The following SNTG1 variants were observed in gnomAD, a reference collection of about 807,000 sequenced individuals.
The protein encoded by SNTG1 is syntrophin gamma 1.
SNTG1 carries 39 observed loss-of-function variants against 74.7 expected under a neutral mutation model. The observed-to-expected ratio is 0.52, with a 90% CI of 0.40 to 0.68. The LOEUF (loss-of-function observed/expected upper bound fraction) is 0.68. Among genes scored for constraint, SNTG1 ranks in the 30% least tolerant of loss-of-function variants. The pLI is 0.00. For missense variants in SNTG1, 685 were observed against 609.5 expected (o/e 1.12, Z -1.30); for synonymous variants, 254 against 217.1 (o/e 1.17, Z -1.49).
intron 15 of SNTG1, among the ~76,000 whole-genome samples, chr8:50,691,061 G>A (rs1393822082): frequency 1.3e-5 from 2 of 152,134 alleles, no homozygotes; most frequent in Admixed American, 6.5e-5. Context: ...TCAGAGACTA[G>A]GATTGCAACC....
chr8:50,742,640 C>T lies in SNTG1; in HGVS notation c.1285-9361C>T, dbSNP rs546238499. 9.9e-5 allele frequency among the ~76,000 whole-genome samples: 15 copies of T among 150,776 alleles called. No individual in the cohort carries two copies. In the South Asian group the frequency reaches 1.0e-3, roughly 10 times the overall value. The stretch of plus-strand genomic sequence containing the variant: ...TACATCTTAAAGAAGTAGAAAAAGA[C>T]GAGTAGACTGAAAGCTAGCTAGAAA... On this transcript the variant is annotated intron_variant, in intron 17 of 18. Transcript: ENST00000642720.
intron 13 of SNTG1, among the ~76,000 whole-genome samples, chr8:50,642,168 A>G (rs1391984060): frequency 6.6e-6 from 1 of 151,982 alleles, no homozygotes; most frequent in African/African-American, 2.4e-5. Flanking sequence ...TATCACTCTT[A>G]ACTTCCATTT....
intron 1 of SNTG1, among the ~76,000 whole-genome samples, chr8:49,994,420 TA>T (rs1306540266): frequency 2.2e-5 from 2 of 90,778 alleles, no homozygotes; most frequent in African/African-American, 5.7e-5. Flanking sequence ...CATGCCCGGC[TA>T]TTTTTTTTTT....
intron 2 of SNTG1, among the ~76,000 whole-genome samples, chr8:50,263,293 G>C (rs1281181435): frequency 6.6e-6 from 1 of 151,970 alleles, no homozygotes; most frequent in Non-Finnish European, 1.5e-5. Flanking sequence ...ATATATTTGA[G>C]GTAAAGACAT....
At chr8:50,751,949 G>A (rs1338544965) in intron 17 of SNTG1, 52 bp from the exon 18 acceptor site, 4 of 1,089,234 alleles carry the variant, frequency 3.7e-6, no homozygotes, top group East Asian at 2.8e-5. Flanking sequence ...TTCTTGATTT[G>A]AAAGCAGATA....
chr8:50,112,469 GGT>G (rs1261046036), intron 1 of SNTG1, among the ~76,000 whole-genome samples: 3 of 150,030 alleles, frequency 2.0e-5, no homozygotes, highest in Admixed American at 6.7e-5. Flanking sequence ...AAAATCAAGA[GGT>G]ATATCAAAAC....
At chr8:50,351,070 A>G (rs2091645185) in intron 2 of SNTG1, among the ~76,000 whole-genome samples, 2 of 152,240 alleles carry the variant, frequency 1.3e-5, no homozygotes, top group Admixed American at 6.5e-5. Flanking sequence ...TCTTGAAGTC[A>G]GTGAGACCAA....
chr8:50,523,951 G>T (rs2094200175), intron 9 of SNTG1, among the ~76,000 whole-genome samples: 1 of 152,120 alleles, frequency 6.6e-6, no homozygotes, highest in East Asian at 1.9e-4. Flanking sequence ...GGTTTTGGAA[G>T]TTTATTCCAC....
chr8:50,312,002 A>G (rs1316834828), intron 2 of SNTG1, among the ~76,000 whole-genome samples: 3 of 152,164 alleles, frequency 2.0e-5, no homozygotes, highest in Non-Finnish European at 4.4e-5. Flanking sequence ...CTCCTTAATA[A>G]CAGTAAAGAA....
intron 4 of SNTG1, among the ~76,000 whole-genome samples, chr8:50,413,366 A>G (rs1292917037): frequency 6.6e-6 from 1 of 152,164 alleles, no homozygotes; most frequent in East Asian, 1.9e-4. Flanking sequence ...AAAATGGTTG[A>G]CAGTTTGATG....
At chr8:50,420,011 A>T (rs1459243816) in intron 4 of SNTG1, among the ~76,000 whole-genome samples, 1 of 152,148 alleles carries the variant, frequency 6.6e-6, no homozygotes, top group Non-Finnish European at 1.5e-5. Flanking sequence ...GACTGAAAAA[A>T]ATAAGAAGTG....
intron 2 of SNTG1, among the ~76,000 whole-genome samples, chr8:50,287,341 T>C (rs1170529304): frequency 6.6e-6 from 1 of 152,206 alleles, no homozygotes; most frequent in Non-Finnish European, 1.5e-5. Context: ...CCTAGTTCCC[T>C]TGTCTTTATG....
Position 50,539,034 on chromosome 8 carries a change from C to A in SNTG1, c.680+2226C>A, listed in dbSNP as rs575860733. 1.2e-4 allele frequency among the ~76,000 whole-genome samples: 18 copies of A among 151,824 alleles called. No individual in the cohort carries two copies. In the South Asian group the frequency reaches 1.2e-3, roughly 11 times the overall value. On this transcript the variant is annotated intron_variant, in intron 11 of 18. Coordinates refer to ENST00000642720, the MANE Select transcript of SNTG1 (RefSeq NM_018967.5). ...TAGTTTATCCTTTTAAAAATAACTT[C>A]TTTTTTGAAGTTTTTAAAAATATTT...
chr8:50,177,118 GC>G (rs1489524199), intron 2 of SNTG1, among the ~76,000 whole-genome samples: 2 of 152,090 alleles, frequency 1.3e-5, no homozygotes, highest in African/African-American at 4.8e-5. Context: ...ACAGGGAAAA[GC>G]AAAAAAGTCT....
At chr8:50,527,834 TTTC>T (rs143788659) in intron 9 of SNTG1, among the ~76,000 whole-genome samples, 21,228 of 151,878 alleles carry the variant, frequency 0.14, 2,561 homozygotes, top group African/African-American at 0.33. Flanking sequence ...TCATTTATGT[TTTC>T]TTCTCAGCAA....
intron 2 of SNTG1, among the ~76,000 whole-genome samples, chr8:50,373,522 G>A (rs1420954438): frequency 6.6e-6 from 1 of 152,082 alleles, no homozygotes; most frequent in Non-Finnish European, 1.5e-5. Flanking sequence ...AGTTTATTAA[G>A]TAGTAAAAAA....
At chr8:49,978,593 G>C (rs1221421666) in intron 1 of SNTG1, among the ~76,000 whole-genome samples, 1 of 152,196 alleles carries the variant, frequency 6.6e-6, no homozygotes, top group East Asian at 1.9e-4. Flanking sequence ...TAAAATTGTT[G>C]TCTTTATTGT....
At chr8:50,086,328 G>A (rs1472843433) in intron 1 of SNTG1, among the ~76,000 whole-genome samples, 2 of 152,142 alleles carry the variant, frequency 1.3e-5, no homozygotes, top group African/African-American at 4.8e-5. Flanking sequence ...AGAAGTTGGA[G>A]GCAGGGAGAC....
Position 50,383,921 on chromosome 8 carries a change from A to T in SNTG1, c.-27-10291A>T, listed in dbSNP as rs540144168. 1.2e-4 allele frequency among the ~76,000 whole-genome samples: 18 copies of T among 152,280 alleles called. 1 individual carries two copies. The highest frequency in any genetic ancestry group is 4.1e-4 in the African/African-American group (17 of 41,564). ...GTCCAAAGTGGCTGGGAGTATCTCA[A>T]CTTCCAATTCAATGAAATCATTGTT... On this transcript the variant is annotated intron_variant, in intron 2 of 18. Coordinates refer to ENST00000642720, the MANE Select transcript of SNTG1 (RefSeq NM_018967.5).
Sources: allele counts gnomAD v4.1 joint callset (sites outside exome capture counted in the v4.1 genomes callset), GRCh38; gene constraint gnomAD v4.1.1; transcripts MANE v1.5; gene names NCBI Gene and HGNC (gene_info 2026-07-23, HGNC 2026-07-21).